Variants in CAMKK2 observed in about 807,000 individuals in gnomAD.
The protein encoded by CAMKK2 is calcium/calmodulin dependent protein kinase kinase 2.
Under a neutral mutation model 67.2 loss-of-function variants are expected in CAMKK2, and 30 were observed. The observed-to-expected ratio is 0.45, with a 90% CI of 0.33 to 0.61. CAMKK2 has a LOEUF of 0.61. Among genes scored for constraint, CAMKK2 ranks in the 20% least tolerant of loss-of-function variants. The pLI is 0.02. For synonymous variants in CAMKK2, 322 were observed against 326.2 expected, an observed-to-expected ratio of 0.99 and a Z score of 0.14; for missense variants, 643 against 802.0, an observed-to-expected ratio of 0.80 and a Z score of 2.39.
chr12:121,256,359 A>G (rs1161939910), intron 7 of CAMKK2, among the ~76,000 whole-genome samples: 4 of 152,180 alleles, frequency 2.6e-5, no homozygotes, highest in Admixed American at 2.0e-4. Flanking sequence ...AGCCTGGGCA[A>G]CAGAGCAAGA....
At chr12:121,258,951 T>G (rs1892898451) in intron 7 of CAMKK2, among the ~76,000 whole-genome samples, 3 of 151,618 alleles carry the variant, frequency 2.0e-5, no homozygotes, top group South Asian at 2.1e-4. Context: ...CAAGTGATTC[T>G]CGTGCCTCAG....
Position 121,263,915 on chromosome 12 carries a change from C to T in CAMKK2, c.650G>A (p.Arg217Gln), listed in dbSNP as rs2136327816. ...FPRRPPPRGT[R>Q]PAPGGCIQPR... ...CTGGATGCAGCCTCCAGGAGCTGGC[C>T]GGGTGCCTCGGGGTGGAGGGCGACC... The change falls in exon 6 of 17, where the codon CGG becomes CAG. Residue 217 changes from arginine to glutamine, a missense_variant. Around this residue, in one of 3 missense-constraint regions of CAMKK2, gnomAD observed 483 missense variants for 625.8 expected, o/e 0.77. Transcript: ENST00000404169. 6.2e-7 allele frequency: 1 copy of T among 1,606,920 alleles called. No homozygotes were observed. Among genetic ancestry groups the T allele is most frequent in the Non-Finnish European group, 8.5e-7 (1 of 1,174,834 alleles).
At chr12:121,283,203 C>T (rs1042608932) in intron 1 of CAMKK2, among the ~76,000 whole-genome samples, 4 of 152,172 alleles carry the variant, frequency 2.6e-5, no homozygotes, top group African/African-American at 4.8e-5. Flanking sequence ...AAAGCTCTAG[C>T]GGGAGACCTG....
Position 121,253,467 on chromosome 12 carries a change from A to G in CAMKK2, c.913T>C (p.Tyr305His). 6.2e-7 allele frequency: 1 copy of G among 1,614,108 alleles called. No individual in the cohort carries two copies. Among genetic ancestry groups the G allele is most frequent in the Non-Finnish European group, 8.5e-7 (1 of 1,179,994 alleles). ...DLIKGIEYLH[Y>H]QKIIHRDIKP... ...ATGTCACGGTGGATGATCTTCTGGT[A>G]GTGTACTGGGGAGGCGTAGACAGCA... Residue 305 changes from tyrosine (Y) to histidine (H), a missense_variant, in exon 10 of 17, where the codon TAC becomes CAC. Tyr to His is a moderately conservative substitution (Grantham distance 83). Transcript: ENST00000404169. This position sits in a 1 kb window ranked among gnomAD's most constrained non-coding sequence, Gnocchi z 5.0.
intron 1 of CAMKK2, among the ~76,000 whole-genome samples, chr12:121,283,462 C>T (rs1326245986): frequency 2.0e-5 from 3 of 152,122 alleles, no homozygotes; most frequent in Non-Finnish European, 4.4e-5. Flanking sequence ...AGAACAAAAA[C>T]GTTGCAAATG....
chr12:121,247,925 G>C (rs1448229340), intron 14 of CAMKK2, among the ~76,000 whole-genome samples: 2 of 152,150 alleles, frequency 1.3e-5, no homozygotes, highest in Admixed American at 1.3e-4. Context: ...ACAACCTGCT[G>C]GTCTCTGTCC....
At chr12:121,282,663 C>T (rs778134867) in intron 1 of CAMKK2, among the ~76,000 whole-genome samples, 72 of 152,298 alleles carry the variant, frequency 4.7e-4, no homozygotes, top group East Asian at 1.5e-3. Flanking sequence ...AGACTCCCCT[C>T]GGAGCCTTCA....
At chr12:121,252,831 A>G (rs1011699724) in intron 10 of CAMKK2, 117 bp from the exon 11 acceptor site, 2 of 972,744 alleles carry the variant, frequency 2.1e-6, no homozygotes, top group Non-Finnish European at 3.2e-6. Context: ...GGCGGGACCA[A>G]TCTTGTCTCC....
At chr12:121,264,326 T>C (rs1894072409) in intron 5 of CAMKK2, among the ~76,000 whole-genome samples, 1 of 152,238 alleles carries the variant, frequency 6.6e-6, no homozygotes, top group Admixed American at 6.5e-5. Flanking sequence ...CATTAACTCT[T>C]ATCTCCTTAA....
intron 3 of CAMKK2, chr12:121,269,833 G>C: frequency 2.5e-6 from 1 of 406,246 alleles, no homozygotes; most frequent in South Asian, 4.0e-5. Flanking sequence ...CGGATCACTT[G>C]AGTTAAGGAG....
chr12:121,254,686 A>G (rs1392475601), intron 9 of CAMKK2, among the ~76,000 whole-genome samples: 1 of 152,134 alleles, frequency 6.6e-6, no homozygotes. Flanking sequence ...TGCACATAGA[A>G]AGTGCTAAAT....
At chr12:121,272,654 G>C (rs1257837070) in intron 2 of CAMKK2, among the ~76,000 whole-genome samples, 1 of 148,872 alleles carries the variant, frequency 6.7e-6, no homozygotes, top group African/African-American at 2.5e-5. Flanking sequence ...CCTGAGGTCA[G>C]GAGTTCGAGA....
chr12:121,274,611 GC>G, intron 1 of CAMKK2, 26 bp from the exon 2 acceptor site: 1 of 927,702 alleles, frequency 1.1e-6, no homozygotes, highest in Non-Finnish European at 1.6e-6. Context: ...GGGTCAGCTG[GC>G]CCAGCTCCTA....
At position 121,240,976 on chromosome 12, in the gene CAMKK2, AC is replaced by A. The variant is rs1256555531; in HGVS notation, c.1597-108del. 33 of 1,053,816 alleles carry A rather than the reference AC, an allele frequency of 3.1e-5. No individual in the cohort carries two copies. The highest frequency in any genetic ancestry group is 4.5e-5 in the Non-Finnish European group (32 of 713,180). 65.3% of individuals were successfully genotyped at this position (1,053,816 alleles called of 1,614,324 possible). On this transcript the variant is annotated intron_variant, in intron 16 of 16. Transcript: ENST00000404169. This position sits in a 1 kb window ranked among gnomAD's most constrained non-coding sequence, Gnocchi z 4.4. ...CCCCTGCCCAAGTGGGCCGTCGCGCACCCCCTGGAACGTGATCTACGTAACC... is the reference window on the plus strand; with the variant it reads ...CCCCTGCCCAAGTGGGCCGTCGCGCACCCCTGGAACGTGATCTACGTAACC...
At chr12:121,291,823 C>T (rs1383567560) in intron 1 of CAMKK2, among the ~76,000 whole-genome samples, 2 of 151,798 alleles carry the variant, frequency 1.3e-5, no homozygotes, top group Non-Finnish European at 1.5e-5. Flanking sequence ...TTTGGGAGGC[C>T]GAGGCGGGCA....
intron 2 of CAMKK2, among the ~76,000 whole-genome samples, chr12:121,271,653 A>G (rs1334834075): frequency 6.6e-6 from 1 of 152,256 alleles, no homozygotes; most frequent in East Asian, 1.9e-4. Context: ...AATACAAAAA[A>G]GGTACAGACA....
intron 11 of CAMKK2, 35 bp downstream of exon 11, chr12:121,252,626 G>C (rs1399516679): frequency 6.3e-7 from 1 of 1,595,532 alleles, no homozygotes; most frequent in Non-Finnish European, 8.6e-7. Context: ...GGGCCACCCA[G>C]CAGTACTGAG....
rs146735972 is a variant in CAMKK2 at position 121,247,110 on chromosome 12, ACCCAGTGTGTTAGCC to A, written c.1452+1481_1452+1495del. On this transcript the variant is annotated intron_variant, in intron 14 of 16. Transcript: ENST00000404169. ...TTCCTTGCCCTGCTTCAGTGGCCCCACCCAGTGTGTTAGCCCGTCCGCCCTCTCTCGGCGGAGTTA... is the reference window on the plus strand; with the variant it reads ...TTCCTTGCCCTGCTTCAGTGGCCCCACGTCCGCCCTCTCTCGGCGGAGTTA... Among the ~76,000 whole-genome samples, 534 of 150,466 alleles carry A rather than the reference ACCCAGTGTGTTAGCC, an allele frequency of 3.5e-3. 2 individuals carry two copies. Among genetic ancestry groups the A allele is most frequent in the African/African-American group, 0.012 (503 of 40,800 alleles).
chr12:121,268,250 C>T (rs1054813738), intron 5 of CAMKK2, among the ~76,000 whole-genome samples: 7 of 151,698 alleles, frequency 4.6e-5, no homozygotes, highest in South Asian at 2.1e-4. Flanking sequence ...TAGGTGAACA[C>T]GGATGTCCTG....
Sources: allele counts gnomAD v4.1 joint callset (sites outside exome capture counted in the v4.1 genomes callset), GRCh38; gene constraint gnomAD v4.1.1; regional missense constraint gnomAD v4.1.1; non-coding constraint Gnocchi (gnomAD v3.1); transcripts MANE v1.5; gene names NCBI Gene and HGNC (gene_info 2026-07-23, HGNC 2026-07-21).